The following OPCML variants were observed in gnomAD, a reference collection of about 807,000 sequenced individuals.
The protein encoded by OPCML is opioid-binding protein/cell adhesion molecule.
A neutral mutation model predicts 37.8 loss-of-function variants in OPCML; 13 were observed. That is an observed-to-expected ratio of 0.34 (90% CI 0.22 to 0.55). The LOEUF is 0.55. OPCML is among the 20% of genes least tolerant of loss of function. The probability of loss-of-function intolerance (pLI) is 0.91; values close to 1 mark genes in which losing one functional copy is unlikely to be tolerated. For missense variants in OPCML, 341 were observed against 435.6 expected (o/e 0.78, Z 1.93); for synonymous variants, 176 against 168.8 (o/e 1.04, Z -0.33).
In OPCML at chr11:133,526,562, G is replaced by A. The variant is rs139302011; in HGVS notation, c.61+5702C>T. On this transcript the variant is annotated intron_variant, in intron 1 of 7. Transcript: ENST00000524381. The stretch of plus-strand genomic sequence containing the variant: ...ATCTTCAAGCTTCTCTCTGGTTTTG[G>A]ATTTCTTTTGGCTCCCTTCTCAGGG... 7.6e-3 allele frequency among the ~76,000 whole-genome samples: 1,158 copies of A among 152,260 alleles called. 4 individuals are homozygous for A. The highest frequency in any genetic ancestry group is 0.031 in the Middle Eastern group (9 of 294).
intron 1 of OPCML, among the ~76,000 whole-genome samples, chr11:133,412,093 T>C (rs954979406): frequency 6.6e-5 from 10 of 152,210 alleles, no homozygotes; most frequent in African/African-American, 2.4e-4. Context: ...TGCAACACTC[T>C]GCAAAAGCAA....
chr11:132,560,326 C>T (rs2096407781), intron 3 of OPCML, among the ~76,000 whole-genome samples: 1 of 152,222 alleles, frequency 6.6e-6, no homozygotes, highest in Non-Finnish European at 1.5e-5. Context: ...GTTTTCCACA[C>T]ACCCCAGTAT....
chr11:132,692,235 A>G (rs1250596971), intron 2 of OPCML, among the ~76,000 whole-genome samples: 2 of 149,626 alleles, frequency 1.3e-5, no homozygotes, highest in African/African-American at 2.4e-5. Flanking sequence ...GCTACAGGAA[A>G]AAAAAAAAAA....
intron 2 of OPCML, among the ~76,000 whole-genome samples, chr11:132,758,014 TA>T (rs529487091): frequency 1.3e-5 from 2 of 152,342 alleles, no homozygotes; most frequent in East Asian, 3.9e-4. Context: ...ATTTTCTGCA[TA>T]TGGCTAGCCA....
chr11:133,075,301 G>A (rs979196843), intron 1 of OPCML, among the ~76,000 whole-genome samples: 3 of 152,168 alleles, frequency 2.0e-5, no homozygotes, highest in Admixed American at 6.5e-5. Context: ...GAGGCCAAAC[G>A]GGAGCCATGT....
At chr11:132,900,416 C>G (rs1055699044) in intron 2 of OPCML, among the ~76,000 whole-genome samples, 46 of 152,130 alleles carry the variant, frequency 3.0e-4, no homozygotes, top group African/African-American at 9.9e-4. Flanking sequence ...CCACCATCAT[C>G]TCTCATCTCA....
chr11:133,260,936 G>A (rs1274775182), intron 1 of OPCML, among the ~76,000 whole-genome samples: 1 of 152,170 alleles, frequency 6.6e-6, no homozygotes, highest in South Asian at 2.1e-4. Flanking sequence ...GGAGGACAGA[G>A]GCAGAAGACT....
chr11:132,563,519 T>C (rs1186433145), intron 3 of OPCML, among the ~76,000 whole-genome samples: 4 of 151,890 alleles, frequency 2.6e-5, no homozygotes, highest in Non-Finnish European at 5.9e-5. Context: ...GTTTTGCAAC[T>C]AGATAGAGGT....
intron 1 of OPCML, among the ~76,000 whole-genome samples, chr11:133,354,537 C>T (rs1334173557): frequency 4.6e-5 from 7 of 152,090 alleles, no homozygotes; most frequent in Non-Finnish European, 4.4e-5. Context: ...TCCAAGTGGT[C>T]TAAAGCCAGA....
chr11:132,442,837 A>T (rs2136787538), intron 4 of OPCML, among the ~76,000 whole-genome samples: 1 of 152,258 alleles, frequency 6.6e-6, no homozygotes, highest in Non-Finnish European at 1.5e-5. Flanking sequence ...TTCCCCAGCC[A>T]TGTGGAACTG....
chr11:133,027,470 A>AGTGTGT lies in OPCML; in HGVS notation c.62-84466_62-84461dup, dbSNP rs112879269. On this transcript the variant is annotated intron_variant, in intron 1 of 7. Coordinates refer to ENST00000524381, the MANE Select transcript of OPCML (RefSeq NM_001012393.5). ...TGTGTATGTCATATGTGGTCTATGTAGTGTGTGTGTGTGTGTGTGTTGTGT... is the reference window on the plus strand; with the variant it reads ...TGTGTATGTCATATGTGGTCTATGTAGTGTGTGTGTGTGTGTGTGTGTGTGTTGTGT... Among the ~76,000 whole-genome samples the AGTGTGT allele has an allele frequency of 2.1e-3, 309 of 144,994 alleles. 1 individual carries two copies. The highest frequency in any genetic ancestry group is 7.5e-3 in the African/African-American group (296 of 39,326).
At chr11:132,925,661 G>C (rs367822794) in intron 2 of OPCML, among the ~76,000 whole-genome samples, 1 of 152,160 alleles carries the variant, frequency 6.6e-6, no homozygotes, top group African/African-American at 2.4e-5. Flanking sequence ...GACTCCAGGG[G>C]TAGTTTCTGG....
At chr11:132,929,011 A>T (rs1945095138) in intron 2 of OPCML, among the ~76,000 whole-genome samples, 1 of 151,890 alleles carries the variant, frequency 6.6e-6, no homozygotes, top group African/African-American at 2.4e-5. Context: ...AAGAAAAAAA[A>T]ACACTCAACA....
intron 3 of OPCML, among the ~76,000 whole-genome samples, chr11:132,562,966 T>A (rs1439065159): frequency 1.3e-5 from 2 of 152,126 alleles, no homozygotes; most frequent in Non-Finnish European, 2.9e-5. Context: ...CAGTAAGACA[T>A]TAATAGGCAA....
At chr11:133,080,072 T>C (rs1948686231) in intron 1 of OPCML, among the ~76,000 whole-genome samples, 1 of 152,146 alleles carries the variant, frequency 6.6e-6, no homozygotes, top group South Asian at 2.1e-4. Context: ...GAAAACTCCT[T>C]ATGGTCTATG....
chr11:132,558,285 C>A (rs1452962694), intron 3 of OPCML, among the ~76,000 whole-genome samples: 1 of 130,344 alleles, frequency 7.7e-6, no homozygotes, highest in Non-Finnish European at 1.6e-5. Flanking sequence ...CACCTTCTTC[C>A]TCTTCCTCTT....
At chr11:132,436,355 C>A in intron 6 of OPCML, 118 bp from the exon 7 acceptor site, 1 of 1,576,440 alleles carries the variant, frequency 6.3e-7, no homozygotes, top group South Asian at 1.2e-5. Context: ...CTTCAGTGTC[C>A]AACAGGAGGA....
At chr11:133,381,486 G>T (rs1944926925) in intron 1 of OPCML, among the ~76,000 whole-genome samples, 1 of 152,332 alleles carries the variant, frequency 6.6e-6, no homozygotes, top group Middle Eastern at 3.4e-3. Context: ...CATGCCCATG[G>T]TGGAGACCTG....
chr11:132,687,622 G>C (rs1312839674), intron 2 of OPCML, among the ~76,000 whole-genome samples: 2 of 151,364 alleles, frequency 1.3e-5, no homozygotes, highest in African/African-American at 2.4e-5. Context: ...AGCAGAACTT[G>C]TATTTAAATG....
Sources: allele counts gnomAD v4.1 joint callset (sites outside exome capture counted in the v4.1 genomes callset), GRCh38; gene constraint gnomAD v4.1.1; transcripts MANE v1.5; gene names NCBI Gene and HGNC (gene_info 2026-07-23, HGNC 2026-07-21).